Variants in TNRC6C observed in about 807,000 individuals in gnomAD.
TNRC6C encodes trinucleotide repeat containing adaptor 6C, also known as trinucleotide repeat-containing gene 6C protein.
A neutral mutation model predicts 153.7 loss-of-function variants in TNRC6C; 20 were observed. The ratio of observed to expected loss-of-function variants is 0.13; its 90% CI spans 0.09 to 0.19. TNRC6C has a LOEUF of 0.19. Ranked by LOEUF, TNRC6C falls within the 10% of genes least tolerant of loss-of-function variation. The pLI, the probability that TNRC6C is intolerant of heterozygous loss-of-function variation, is 1.00. For synonymous variants in TNRC6C, 811 were observed against 841.4 expected (o/e 0.96, Z 0.63); for missense variants, 1,987 against 2,172.0 (o/e 0.91, Z 1.69).
chr17:77,975,880 A>C (rs1475713720), intron 1 of TNRC6C, among the ~76,000 whole-genome samples: 1 of 152,218 alleles, frequency 6.6e-6, no homozygotes, highest in Admixed American at 6.5e-5. Context: ...TCTTTATGAA[A>C]AATGTAGGTC....
chr17:78,025,759 C>T (rs2071930772), intron 1 of TNRC6C, among the ~76,000 whole-genome samples: 1 of 152,028 alleles, frequency 6.6e-6, no homozygotes, highest in South Asian at 2.1e-4. Context: ...AGGTAAAGAA[C>T]TTTAAAATCT....
At chr17:78,085,266 A>G (rs1479354286) in intron 11 of TNRC6C, among the ~76,000 whole-genome samples, 1 of 152,238 alleles carries the variant, frequency 6.6e-6, no homozygotes, top group Non-Finnish European at 1.5e-5. Context: ...AAAGACATCA[A>G]GAAAATGTTG....
intron 3 of TNRC6C, among the ~76,000 whole-genome samples, chr17:78,060,122 A>T (rs2072738353): frequency 6.6e-6 from 1 of 152,166 alleles, no homozygotes; most frequent in Admixed American, 6.5e-5. Flanking sequence ...TTTGGAATGG[A>T]AGTGTCAAAT....
At position 77,984,356 on chromosome 17, in the gene TNRC6C, T is replaced by TA. The variant is rs11290860; in HGVS notation, c.-37-19802dup. On this transcript the variant is annotated intron_variant, in intron 1 of 22. Transcript: ENST00000636222. ...AACATAGCAAGACCTCATCAATACT[T>TA]AAAAAAAAAAAACAAAAAAAAAAAC... 5.0e-3 allele frequency among the ~76,000 whole-genome samples: 680 copies of TA among 135,586 alleles called. 3 individuals carry two copies. Among genetic ancestry groups the TA allele is most frequent in the Non-Finnish European group, 8.0e-3 (497 of 62,230 alleles). 88.9% of individuals were successfully genotyped at this position (135,586 alleles called of 152,430 possible).
intron 1 of TNRC6C, among the ~76,000 whole-genome samples, chr17:78,012,519 T>A (rs1423226533): frequency 6.6e-6 from 1 of 152,238 alleles, no homozygotes; most frequent in East Asian, 1.9e-4. Flanking sequence ...AAAAGTTCCC[T>A]GTTCTCAAAG....
intron 1 of TNRC6C, among the ~76,000 whole-genome samples, chr17:78,016,060 G>A (rs2071721792): frequency 1.3e-5 from 2 of 152,182 alleles, no homozygotes; most frequent in African/African-American, 4.8e-5. Flanking sequence ...CACTGAAAGG[G>A]CTGAAGGGGG....
intron 2 of TNRC6C, among the ~76,000 whole-genome samples, chr17:78,048,414 T>C (rs1174217512): frequency 6.6e-6 from 1 of 152,238 alleles, no homozygotes; most frequent in East Asian, 1.9e-4. Context: ...TATATAATAC[T>C]GTAACCTAAT....
intron 14 of TNRC6C, 142 bp from the exon 17 acceptor site, chr17:78,092,791 C>T: frequency 1.6e-6 from 1 of 622,104 alleles, no homozygotes; most frequent in South Asian, 2.2e-5. Flanking sequence ...CCTAGACAGA[C>T]CAAGTCTTAC....
upstream of TNRC6C, chr17:78,004,398 A>G: frequency 9.5e-7 from 1 of 1,048,726 alleles, no homozygotes; most frequent in Admixed American, 4.3e-5. Flanking sequence ...ATAATTAGCG[A>G]ATAATAGATA....
At chr17:78,014,182 T>C (rs896369823) in intron 1 of TNRC6C, among the ~76,000 whole-genome samples, 8 of 152,196 alleles carry the variant, frequency 5.3e-5, no homozygotes, top group African/African-American at 1.9e-4. Flanking sequence ...AGATTTAGGA[T>C]TTGCCATTTG....
chr17:78,030,325 CGTGT>C (rs60964524), intron 1 of TNRC6C, among the ~76,000 whole-genome samples: 3 of 149,752 alleles, frequency 2.0e-5, no homozygotes, highest in Non-Finnish European at 4.5e-5. Flanking sequence ...TGTGTGTGTG[CGTGT>C]GTGTGTGTGT....
chr17:78,049,726 C>G lies in TNRC6C; in HGVS notation c.664C>G (p.Leu222Val). 2 of 1,595,324 alleles carry G rather than the reference C, an allele frequency of 1.3e-6. No homozygotes were observed. Among genetic ancestry groups the G allele is most frequent in the Non-Finnish European group, 1.7e-6 (2 of 1,169,154 alleles). ...TATGGGGGCCATCATCCCGCCCCAC[C>G]TGCAAGGCCTTCCTGGTGCTAATGG... The change falls in exon 3 of 20, where the codon CTG (leucine) becomes GTG (valine). Residue 222 changes from leucine (L) to valine (V), a missense_variant. Leu to Val is a conservative substitution (Grantham distance 32). Transcript: ENST00000301624. This position sits in a 1 kb window ranked among gnomAD's most constrained non-coding sequence, Gnocchi z 4.1.
chr17:78,044,023 C>T (rs1447535029), intron 2 of TNRC6C, among the ~76,000 whole-genome samples: 11 of 152,204 alleles, frequency 7.2e-5, no homozygotes, highest in East Asian at 1.9e-4. Flanking sequence ...CAGCAAACAT[C>T]GAAGCTCTCT....
chr17:78,106,371 AT>A, exon 20 of TNRC6C: 1 of 152,054 alleles, frequency 6.6e-6, no homozygotes, highest in Non-Finnish European at 1.5e-5. Context: ...GACTCTGTCG[AT>A]TGCTTTCGCC....
chr17:78,050,327 G>A (rs189050450), exon 3 of TNRC6C: 683 of 1,591,872 alleles, frequency 4.3e-4, no homozygotes, highest in Middle Eastern at 5.1e-4. Context: ...GGCCGAAGGC[G>A]AGATAAAGGG....
intron 2 of TNRC6C, among the ~76,000 whole-genome samples, chr17:78,038,440 G>A (rs746549541): frequency 6.6e-6 from 1 of 152,000 alleles, no homozygotes; most frequent in Non-Finnish European, 1.5e-5. Flanking sequence ...TTGGGAGGCC[G>A]AGGCAGGTGG....
At chr17:78,004,089 G>A, upstream of TNRC6C, 1 of 1,229,384 alleles carries the variant, frequency 8.1e-7, no homozygotes, top group Non-Finnish European at 1.0e-6. Context: ...TCTGACTTAA[G>A]ATTTGGAGCA....
At chr17:78,091,738 T>G (rs2073397835) in intron 14 of TNRC6C, 131 bp downstream of exon 16, 1 of 1,047,958 alleles carries the variant, frequency 9.5e-7, no homozygotes, top group African/African-American at 1.7e-5. Context: ...AATAACCCAT[T>G]CCATTATAGT....
chr17:78,103,300 A>G (rs999431801), intron 18 of TNRC6C, 114 bp from the exon 22 acceptor site: 1 of 1,293,236 alleles, frequency 7.7e-7, no homozygotes, highest in African/African-American at 1.5e-5. Flanking sequence ...GGCCTTTTAA[A>G]GAAAAACATT....
Sources: allele counts gnomAD v4.1 joint callset (sites outside exome capture counted in the v4.1 genomes callset), GRCh38; gene constraint gnomAD v4.1.1; non-coding constraint Gnocchi (gnomAD v3.1); transcripts MANE v1.5; gene names NCBI Gene and HGNC (gene_info 2026-07-23, HGNC 2026-07-21).